The following TMC1 variants were observed in gnomAD, a reference collection of about 807,000 sequenced individuals.
The protein encoded by TMC1 is transmembrane channel like 1, also known as transmembrane channel-like protein 1.
In TMC1, 84 loss-of-function variants were observed where a neutral mutation model predicts 105.8. The observed-to-expected ratio is 0.79, with a 90% CI of 0.67 to 0.95. The LOEUF is 0.95. TMC1 is among the 40% of genes least tolerant of loss of function. The pLI is 0.00. For synonymous variants in TMC1, 315 were observed against 311.5 expected, an observed-to-expected ratio of 1.01 and a Z score of -0.12; for missense variants, 817 against 914.1, an observed-to-expected ratio of 0.89 and a Z score of 1.37.
intron 1 of TMC1, among the ~76,000 whole-genome samples, chr9:72,523,631 G>T (rs1823352232): frequency 6.7e-6 from 1 of 149,534 alleles, no homozygotes; most frequent in East Asian, 1.9e-4. Context: ...TGAAGGAGGA[G>T]GGGGAGAGAG....
chr9:72,727,320 A>G (rs1827140304), intron 8 of TMC1, among the ~76,000 whole-genome samples: 1 of 152,222 alleles, frequency 6.6e-6, no homozygotes, highest in South Asian at 2.1e-4. Context: ...TTTTCTTAAT[A>G]AAGTTTAAGC....
intron 13 of TMC1, among the ~76,000 whole-genome samples, chr9:72,774,190 T>G (rs150827680): frequency 7.0e-4 from 107 of 152,296 alleles, no homozygotes; most frequent in African/African-American, 2.5e-3. Context: ...GATTTGTATA[T>G]TTAATAAATG....
intron 1 of TMC1, among the ~76,000 whole-genome samples, chr9:72,568,071 A>ATT (rs35677632): frequency 9.9e-4 from 142 of 143,262 alleles, no homozygotes; most frequent in African/African-American, 1.6e-3. Context: ...GCCCTCAATG[A>ATT]TTTTTTTTTT....
intron 8 of TMC1, among the ~76,000 whole-genome samples, chr9:72,710,216 T>C (rs574587631): frequency 6.6e-6 from 1 of 152,346 alleles, no homozygotes; most frequent in South Asian, 2.1e-4. Context: ...GAGTACTTGA[T>C]ACAATTTCAG....
chr9:72,701,906 C>A (rs1826652501), intron 8 of TMC1, among the ~76,000 whole-genome samples: 2 of 152,256 alleles, frequency 1.3e-5, no homozygotes, highest in Non-Finnish European at 2.9e-5. Context: ...TGGGAACTCC[C>A]TTTGCATGCT....
chr9:72,715,753 T>C (rs1826906388), intron 8 of TMC1, among the ~76,000 whole-genome samples: 1 of 152,168 alleles, frequency 6.6e-6, no homozygotes, highest in Admixed American at 6.5e-5. Context: ...TTCTAAAGCC[T>C]ACTTCTGTCA....
intron 13 of TMC1, among the ~76,000 whole-genome samples, chr9:72,780,768 T>G (rs1050784344): frequency 1.3e-5 from 2 of 152,182 alleles, no homozygotes; most frequent in Admixed American, 1.3e-4. Flanking sequence ...CAAGAAGACT[T>G]AACTGTCCTA....
rs1829023004 is a variant in TMC1, at chr9:72,830,529, G to C, written c.2208G>C (p.Met736Ile). The C allele has an allele frequency of 3.7e-6, 6 of 1,610,174 alleles. No homozygotes were observed. Among genetic ancestry groups the C allele is most frequent in the Middle Eastern group, 1.7e-4 (1 of 6,040 alleles). ...ANLDLKKKMK[M>I]QALENKMRNK... ...TGGATCTCAAAAAGAAGATGAAAAT[G>C]GTATGATACAATTTATTTCATAGAA... Residue 736 changes from methionine to isoleucine, a missense_variant and splice_region_variant, in exon 22 of 24, where the codon ATG (methionine) becomes ATC (isoleucine). Transcript: ENST00000297784.
At chr9:72,731,573 A>T (rs370300788) in intron 8 of TMC1, among the ~76,000 whole-genome samples, 17 of 152,306 alleles carry the variant, frequency 1.1e-4, no homozygotes, top group African/African-American at 3.8e-4. Context: ...CTTATCTTGT[A>T]TATCATTGTT....
At chr9:72,706,959 G>C (rs1468150028) in intron 8 of TMC1, among the ~76,000 whole-genome samples, 1 of 151,998 alleles carries the variant, frequency 6.6e-6, no homozygotes, top group African/African-American at 2.4e-5. Flanking sequence ...ATTTTTAGTA[G>C]AGATGGGGTT....
chr9:72,571,905 C>T (rs958568529), intron 1 of TMC1, among the ~76,000 whole-genome samples: 41 of 151,456 alleles, frequency 2.7e-4, no homozygotes, highest in Admixed American at 2.2e-3. Context: ...GGCGTAATCT[C>T]GGCTCACCGC....
intron 17 of TMC1, 141 bp from the exon 18 acceptor site, chr9:72,805,241 T>C (rs1828551806): frequency 1.4e-6 from 1 of 703,024 alleles, no homozygotes; most frequent in Non-Finnish European, 2.4e-6. Context: ...ATTTACTTGA[T>C]ATGACTAGTT....
chr9:72,779,067 A>G (rs1828051156), intron 13 of TMC1, among the ~76,000 whole-genome samples: 1 of 152,132 alleles, frequency 6.6e-6, no homozygotes, highest in Non-Finnish European at 1.5e-5. Context: ...CAGACTGGAA[A>G]CACCTCAGCT....
chr9:72,730,578 C>T (rs1194301012), intron 8 of TMC1, among the ~76,000 whole-genome samples: 1 of 152,212 alleles, frequency 6.6e-6, no homozygotes, highest in Non-Finnish European at 1.5e-5. Flanking sequence ...TGTCCCCAAC[C>T]TTTCTGATAC....
At chr9:72,725,106 G>C (rs1306728480) in intron 8 of TMC1, among the ~76,000 whole-genome samples, 1 of 151,662 alleles carries the variant, frequency 6.6e-6, no homozygotes, top group African/African-American at 2.4e-5. Flanking sequence ...CTTGTAACAA[G>C]ATAACAATCA....
At chr9:72,705,033 A>G (rs751759898) in intron 8 of TMC1, among the ~76,000 whole-genome samples, 2 of 152,200 alleles carry the variant, frequency 1.3e-5, no homozygotes, top group Non-Finnish European at 2.9e-5. Flanking sequence ...ACATCATTTA[A>G]AAATATCCAT....
chr9:72,806,507 G>A (rs1828592373), intron 18 of TMC1, among the ~76,000 whole-genome samples: 1 of 150,392 alleles, frequency 6.6e-6, no homozygotes, highest in African/African-American at 2.5e-5. Flanking sequence ...TCTCAGACGG[G>A]GCGGCTGCCG....
intron 20 of TMC1, among the ~76,000 whole-genome samples, chr9:72,826,423 G>A (rs532478677): frequency 2.0e-5 from 3 of 152,296 alleles, no homozygotes; most frequent in South Asian, 2.1e-4. Flanking sequence ...AAGCTATTGC[G>A]TGGAAAGAGA....
At chr9:72,818,218 T>C (rs1029542406) in intron 19 of TMC1, among the ~76,000 whole-genome samples, 1 of 152,236 alleles carries the variant, frequency 6.6e-6, no homozygotes, top group Non-Finnish European at 1.5e-5. Flanking sequence ...GGGGATGTTT[T>C]ATTCAATTCC....
Sources: gnomAD v4.1 joint callset for allele counts (sites outside exome capture counted in the v4.1 genomes callset) on GRCh38, gnomAD v4.1.1 for gene constraint, MANE v1.5 for transcripts, NCBI Gene and HGNC (gene_info 2026-07-23, HGNC 2026-07-21) for gene names.